Variants in ZCCHC9 observed in about 807,000 individuals in gnomAD.
ZCCHC9 encodes zinc finger CCHC-type containing 9.
Under a neutral mutation model 30.8 loss-of-function variants are expected in ZCCHC9, and 18 were observed. The observed-to-expected ratio is 0.58, with a 90% confidence interval of 0.40 to 0.87. The LOEUF (loss-of-function observed/expected upper bound fraction) is 0.87. Among genes scored for constraint, ZCCHC9 ranks in the 40% least tolerant of loss-of-function variants. The pLI is 0.00. For synonymous variants in ZCCHC9, 94 were observed against 106.7 expected (o/e 0.88, Z 0.73); for missense variants, 279 against 331.2 (o/e 0.84, Z 1.22).
chr5:81,310,354 G>A (rs1182679375), intron 4 of ZCCHC9, among the ~76,000 whole-genome samples: 3 of 152,006 alleles, frequency 2.0e-5, no homozygotes, highest in Admixed American at 1.3e-4. Flanking sequence ...TTTTTGTATG[G>A]TACATTTGAT....
At chr5:81,303,363 A>C (rs1758013590) in intron 1 of ZCCHC9, 1 of 152,226 alleles carries the variant, frequency 6.6e-6, no homozygotes, top group South Asian at 2.1e-4. Context: ...AATAACACTT[A>C]GCTTAAAATG....
At chr5:81,311,633 A>G (rs1350796511) in intron 5 of ZCCHC9, among the ~76,000 whole-genome samples, 1 of 152,246 alleles carries the variant, frequency 6.6e-6, no homozygotes, top group Non-Finnish European at 1.5e-5. Flanking sequence ...ATAACTTTCA[A>G]TAGCCTTAAT....
chr5:81,309,372 A>G (rs1479844358), intron 4 of ZCCHC9, among the ~76,000 whole-genome samples: 1 of 152,230 alleles, frequency 6.6e-6, no homozygotes, highest in Non-Finnish European at 1.5e-5. Flanking sequence ...AAATCGTATT[A>G]TATATTCAGC....
At chr5:81,307,286 AAAT>A (rs1758104483) in intron 2 of ZCCHC9, among the ~76,000 whole-genome samples, 1 of 152,246 alleles carries the variant, frequency 6.6e-6, no homozygotes, top group Non-Finnish European at 1.5e-5. Context: ...TGTTGGAGCC[AAAT>A]AATTCATCTT....
chr5:81,312,699 T>A lies in ZCCHC9; in HGVS notation c.*37T>A. On this transcript the variant is annotated 3_prime_UTR_variant, in exon 6 of 6. Coordinates refer to ENST00000407610, the MANE Select transcript of ZCCHC9 (RefSeq NM_001131035.2). ...ACTATCATGAGTTACTACCTCATTG[T>A]TACTTTCTAAACCAGGCCCGCTTCA... The A allele has an allele frequency of 6.7e-7, 1 of 1,490,658 alleles. No homozygotes were observed. The highest frequency in any genetic ancestry group is 9.3e-7 in the Non-Finnish European group (1 of 1,070,818). 92.3% of individuals were successfully genotyped at this position (1,490,658 alleles called of 1,614,324 possible).
At chr5:81,308,431 A>G (rs2112874458) in intron 2 of ZCCHC9, 130 bp from the exon 3 acceptor site, 5 of 1,211,594 alleles carry the variant, frequency 4.1e-6, no homozygotes, top group Non-Finnish European at 5.5e-6. Context: ...GCTTTTTTCT[A>G]CAAATATTGA....
chr5:81,312,476 A>G (rs761354059), intron 5 of ZCCHC9, 68 bp from the exon 6 acceptor site: 40 of 1,269,758 alleles, frequency 3.2e-5, no homozygotes, highest in Non-Finnish European at 7.9e-6. Context: ...TCCCAAACCA[A>G]TAACAATCTG....
intron 4 of ZCCHC9, among the ~76,000 whole-genome samples, chr5:81,309,814 T>C (rs1287251548): frequency 6.6e-6 from 1 of 152,198 alleles, no homozygotes; most frequent in Non-Finnish European, 1.5e-5. Context: ...GATTCTAAGA[T>C]GCACAGTTTT....
intron 1 of ZCCHC9, chr5:81,303,252 A>C (rs1346665094): frequency 6.6e-6 from 1 of 150,576 alleles, no homozygotes; most frequent in African/African-American, 2.5e-5. Context: ...CATGTTGGCC[A>C]GGATGGTCTC....
At position 81,308,753 on chromosome 5, in the gene ZCCHC9, G is replaced by A. The variant is rs772381611; in HGVS notation, c.535+42G>A. The A allele has an allele frequency of 1.0e-5, 16 of 1,579,184 alleles. No homozygotes were observed. In the East Asian group the frequency reaches 3.4e-4, roughly 33 times the overall value. On this transcript the variant is annotated intron_variant, in intron 3 of 5. Transcript: ENST00000407610. The stretch of plus-strand genomic sequence containing the variant: ...GTTTTTTGTTTTGTTCATGGGGAAA[G>A]CCAATAAATAGCACCTTGGGTATTT...
At position 81,305,104 on chromosome 5, in the gene ZCCHC9, G is replaced by A. The variant is rs777385890; in HGVS notation, c.347G>A (p.Arg116Lys). Residue 116 changes from arginine to lysine, a missense_variant, in exon 2 of 6, where the codon AGA (arginine) becomes AAA (lysine). Transcript: ENST00000407610. The part of the protein sequence containing the change: ...ALKKDSRREG[R>K]RLKRQAAKKN... The stretch of plus-strand genomic sequence containing the variant: ...AAGAAAGACAGTCGACGGGAAGGAA[G>A]AAGATTAAAAAGACAAGCGGCAAAG... 5.6e-6 allele frequency: 9 copies of A among 1,600,838 alleles called. No homozygotes were observed. Among genetic ancestry groups the A allele is most frequent in the Non-Finnish European group, 7.6e-6 (9 of 1,176,674 alleles).
At chr5:81,303,770 T>C (rs1758022789) in intron 1 of ZCCHC9, 1 of 152,240 alleles carries the variant, frequency 6.6e-6, no homozygotes, top group Non-Finnish European at 1.5e-5. Flanking sequence ...TAGGAATTTT[T>C]CAGCTCCATT....
At chr5:81,306,457 A>C (rs1758086652) in intron 2 of ZCCHC9, among the ~76,000 whole-genome samples, 1 of 152,220 alleles carries the variant, frequency 6.6e-6, no homozygotes, top group Non-Finnish European at 1.5e-5. Flanking sequence ...TAAATATTTT[A>C]AGTCATTTTA....
At chr5:81,306,388 T>A (rs974806481) in intron 2 of ZCCHC9, among the ~76,000 whole-genome samples, 8 of 152,230 alleles carry the variant, frequency 5.3e-5, no homozygotes, top group African/African-American at 1.9e-4. Context: ...TAAATTTGAA[T>A]AGAAAGGATA....
chr5:81,308,732 TTTG>T (rs775335814), intron 3 of ZCCHC9, 21 bp downstream of exon 3: 1,547 of 1,594,710 alleles, frequency 9.7e-4, no homozygotes, highest in Non-Finnish European at 1.2e-3. Context: ...CTTTCAGTTT[TTTG>T]TTTTGTTCAT....
intron 4 of ZCCHC9, among the ~76,000 whole-genome samples, chr5:81,309,513 C>T (rs764878411): frequency 1.3e-5 from 2 of 152,092 alleles, no homozygotes; most frequent in African/African-American, 2.4e-5. Context: ...CTCTTTAACT[C>T]GGGTAATTAA....
intron 2 of ZCCHC9, among the ~76,000 whole-genome samples, chr5:81,307,364 A>G (rs1338130049): frequency 1.3e-5 from 2 of 152,232 alleles, no homozygotes; most frequent in African/African-American, 4.8e-5. Context: ...ATTTCTGAAT[A>G]TTAAAGAATG....
In ZCCHC9 at chr5:81,308,693, A is replaced by C. The variant is rs1357818984; in HGVS notation, c.517A>C (p.Lys173Gln). 1 of 1,610,136 alleles carries C rather than the reference A, an allele frequency of 6.2e-7. No homozygotes were observed. The highest frequency in any genetic ancestry group is 8.5e-7 in the Non-Finnish European group (1 of 1,178,730). ...TEHEITKCKAKVDPALGEFPF... is the reference protein window; with the variant it reads ...TEHEITKCKAQVDPALGEFPF... ...GCACGAAATAACCAAGTGTAAGGCT[A>C]AAGTAGACCCGGCTCTTGGTATGTG... The change falls in exon 3 of 6, where the codon AAA (lysine) becomes CAA (glutamine). Residue 173 changes from lysine (K) to glutamine (Q), a missense_variant. Lys to Gln is a moderately conservative substitution (Grantham distance 53). Coordinates refer to ENST00000407610, the MANE Select transcript of ZCCHC9 (RefSeq NM_001131035.2).
At chr5:81,304,064 C>T (rs1158065801) in intron 1 of ZCCHC9, 1 of 152,106 alleles carries the variant, frequency 6.6e-6, no homozygotes, top group African/African-American at 2.4e-5. Flanking sequence ...AGTATAAAAA[C>T]AAGATACAGA....
Sources: allele counts gnomAD v4.1 joint callset (sites outside exome capture counted in the v4.1 genomes callset), GRCh38; gene constraint gnomAD v4.1.1; transcripts MANE v1.5; gene names NCBI Gene and HGNC (gene_info 2026-07-23, HGNC 2026-07-21).